ACOX3: variants seen among roughly 807,000 people sequenced by gnomAD.
ACOX3 encodes acyl-CoA oxidase 3, pristanoyl, also known as peroxisomal acyl-coenzyme A oxidase 3.
A neutral mutation model predicts 81.5 loss-of-function variants in ACOX3; 73 were observed. The observed-to-expected ratio is 0.90, with a 90% CI of 0.74 to 1.09. The LOEUF (loss-of-function observed/expected upper bound fraction) is 1.09. Among genes scored for constraint, ACOX3 ranks in the 50% least tolerant of loss-of-function variants. ACOX3 has a pLI of 0.00. For missense variants in ACOX3, 947 were observed against 928.0 expected, an observed-to-expected ratio of 1.02 and a Z score of -0.27; for synonymous variants, 387 against 375.1, an observed-to-expected ratio of 1.03 and a Z score of -0.37.
chr4:8,361,117 A>G, the ACOX3 span, among the ~76,000 whole-genome samples: 1,290 of 152,240 alleles, frequency 8.5e-3, 19 homozygotes, highest in African/African-American at 0.03. Flanking sequence ...TCTTACCTAG[A>G]TTAAAGAGTT....
chr4:8,371,290 C>T lies in ACOX3; in HGVS notation c.1897-296G>A, dbSNP rs529741075. On this transcript the variant is annotated intron_variant, in intron 16 of 17. Coordinates refer to ENST00000356406, the MANE Select transcript of ACOX3 (RefSeq NM_003501.3). ...GACCCTGAAGCTCGTGAATTAGCAA[C>T]TGCATTCAGAGGCTCGTTTCTAAGC... Among the ~76,000 whole-genome samples the T allele has an allele frequency of 3.9e-5, 6 of 152,314 alleles. No individual in the cohort carries two copies. The South Asian group carries it at 1.2e-3, about 32-fold the overall frequency.
At chr4:8,418,296 T>C (rs1475235284) in intron 1 of ACOX3, among the ~76,000 whole-genome samples, 2 of 151,564 alleles carry the variant, frequency 1.3e-5, no homozygotes, top group South Asian at 2.1e-4. Context: ...CAGCAACATA[T>C]AAAAAAGATT....
chr4:8,396,863 C>CGG, intron 9 of ACOX3, 74 bp downstream of exon 9: 1 of 1,534,516 alleles, frequency 6.5e-7, no homozygotes, highest in Middle Eastern at 1.7e-4. Flanking sequence ...AGTAACCAAA[C>CGG]GGCAACTATG....
In ACOX3 at chr4:8,399,998, G is replaced by A; in HGVS notation, c.777-346C>T. On this transcript the variant is annotated intron_variant, in intron 7 of 17. Coordinates refer to ENST00000356406, the MANE Select transcript of ACOX3 (RefSeq NM_003501.3). This position sits in a 1 kb window ranked among gnomAD's most constrained non-coding sequence, Gnocchi z 4.9. Reference sequence around the variant, plus strand: ...GTGGTGGCTTACGCCTGTAATCCCAGCACTTTGGGAGGCCGAGGTGGGTGG... The same window carrying A: ...GTGGTGGCTTACGCCTGTAATCCCAACACTTTGGGAGGCCGAGGTGGGTGG... Among the ~76,000 whole-genome samples, 1 of 152,278 alleles carries A rather than the reference G, an allele frequency of 6.6e-6. No individual in the cohort carries two copies. Among genetic ancestry groups the A allele is most frequent in the East Asian group, 1.9e-4 (1 of 5,178 alleles).
At chr4:8,395,039 T>C (rs1719534387) in intron 9 of ACOX3, 1 of 280,382 alleles carries the variant, frequency 3.6e-6, no homozygotes, top group East Asian at 8.6e-5. Context: ...TGCCAGTCTA[T>C]CTGTGAATTA....
At chr4:8,418,157 C>G (rs1391824052) in intron 1 of ACOX3, among the ~76,000 whole-genome samples, 2 of 152,160 alleles carry the variant, frequency 1.3e-5, no homozygotes, top group Non-Finnish European at 2.9e-5. Context: ...TAATACTTCC[C>G]AACTCATTCT....
At chr4:8,358,621 A>G in the ACOX3 span, among the ~76,000 whole-genome samples, 1 of 152,174 alleles carries the variant, frequency 6.6e-6, no homozygotes, top group African/African-American at 2.4e-5. Context: ...TTGCTGATAA[A>G]ACAGGCTGCA....
chr4:8,408,181 C>G (rs1721227331), intron 6 of ACOX3, among the ~76,000 whole-genome samples: 1 of 151,500 alleles, frequency 6.6e-6, no homozygotes, highest in Non-Finnish European at 1.5e-5. Context: ...TCAAAAAGGG[C>G]TAAAACCCAA....
intron 17 of ACOX3, among the ~76,000 whole-genome samples, chr4:8,367,376 G>T (rs12644325): frequency 3.3e-5 from 5 of 151,724 alleles, no homozygotes; most frequent in African/African-American, 9.7e-5. Context: ...CCAGCTACTC[G>T]GAAGGCTGAG....
chr4:8,411,470 A>G (rs568017160), intron 5 of ACOX3, among the ~76,000 whole-genome samples: 47 of 152,306 alleles, frequency 3.1e-4, no homozygotes, highest in African/African-American at 1.1e-3. Flanking sequence ...CTCTTCTCTC[A>G]GGGGACCACC....
At chr4:8,435,389 A>G (rs994557636) in intron 1 of ACOX3, among the ~76,000 whole-genome samples, 1 of 152,194 alleles carries the variant, frequency 6.6e-6, no homozygotes, top group Non-Finnish European at 1.5e-5. Flanking sequence ...CCAGCTACTC[A>G]AGAGGCTGAG....
Position 8,440,699 on chromosome 4 carries a change from A to G in ACOX3, c.-66T>C, listed in dbSNP as rs768774841. 1 of 1,216,084 alleles carries G rather than the reference A, an allele frequency of 8.2e-7. No homozygotes were observed. The highest frequency in any genetic ancestry group is 1.1e-6 in the Non-Finnish European group (1 of 927,378). 75.3% of individuals were successfully genotyped at this position (1,216,084 alleles called of 1,614,324 possible). ...CCAGGGAAACCAAAAGCAGGAAAGG[A>G]TCTCCAGCGGCGCCATTCTCATTTC... On this transcript the variant is annotated 5_prime_UTR_variant, in exon 1 of 18. Coordinates refer to ENST00000356406, the MANE Select transcript of ACOX3 (RefSeq NM_003501.3).
chr4:8,378,448 G>A (rs1203047274), intron 14 of ACOX3, among the ~76,000 whole-genome samples: 1 of 152,218 alleles, frequency 6.6e-6, no homozygotes, highest in Non-Finnish European at 1.5e-5. Flanking sequence ...ATCCCTGAAG[G>A]AAACCTCGAG....
At chr4:8,434,522 G>C (rs2631729) in intron 1 of ACOX3, among the ~76,000 whole-genome samples, 58,311 of 152,232 alleles carry the variant, frequency 0.38, 11,396 homozygotes, top group South Asian at 0.46. Flanking sequence ...GAGTGCTCCC[G>C]GGTAGGCATT....
At chr4:8,435,956 A>G (rs1353148742) in intron 1 of ACOX3, among the ~76,000 whole-genome samples, 1 of 152,132 alleles carries the variant, frequency 6.6e-6, no homozygotes, top group African/African-American at 2.4e-5. Context: ...CAAGAGGCCA[A>G]GGAAGGAAGT....
chr4:8,421,117 C>T (rs1237611734), intron 1 of ACOX3, among the ~76,000 whole-genome samples: 2 of 152,224 alleles, frequency 1.3e-5, no homozygotes, highest in African/African-American at 4.8e-5. Context: ...AGCAAACACT[C>T]ATCGGTAACA....
At chr4:8,374,847 T>C (rs1472776667) in intron 15 of ACOX3, 131 bp downstream of exon 15, 2 of 1,034,278 alleles carry the variant, frequency 1.9e-6, no homozygotes, top group Admixed American at 3.0e-5. Context: ...TTCTCATCTG[T>C]CCACAGCGCC....
At chr4:8,408,848 C>T (rs1235151530) in intron 6 of ACOX3, among the ~76,000 whole-genome samples, 2 of 125,182 alleles carry the variant, frequency 1.6e-5, no homozygotes, top group African/African-American at 6.1e-5. Flanking sequence ...TTGCCATTGG[C>T]ATCCAAAGGG....
At chr4:8,372,674 G>A (rs1236030537) in intron 16 of ACOX3, among the ~76,000 whole-genome samples, 1 of 152,358 alleles carries the variant, frequency 6.6e-6, no homozygotes, top group South Asian at 2.1e-4. Context: ...AACGAATCCC[G>A]AGAGAGGCTC....
Sources: allele counts gnomAD v4.1 joint callset (sites outside exome capture counted in the v4.1 genomes callset), GRCh38; gene constraint gnomAD v4.1.1; non-coding constraint Gnocchi (gnomAD v3.1); transcripts MANE v1.5; gene names NCBI Gene and HGNC (gene_info 2026-07-23, HGNC 2026-07-21).